Variants in ADAMTS12 observed in about 807,000 individuals in gnomAD.
ADAMTS12 encodes A disintegrin and metalloproteinase with thrombospondin motifs 12.
ADAMTS12 carries 118 observed loss-of-function variants against 167.8 expected under a neutral mutation model. That is an observed-to-expected ratio of 0.70 (90% CI 0.61 to 0.82). The LOEUF (loss-of-function observed/expected upper bound fraction) is 0.82, where lower values mean the gene tolerates loss of function less well. ADAMTS12 is among the 40% of genes least tolerant of loss of function. ADAMTS12 has a pLI of 0.00. For synonymous variants in ADAMTS12, 704 were observed against 716.9 expected (o/e 0.98, Z 0.29); for missense variants, 1,916 against 1,998.8 (o/e 0.96, Z 0.79).
intron 23 of ADAMTS12, among the ~76,000 whole-genome samples, chr5:33,530,132 G>T (rs1476875306): frequency 1.3e-5 from 2 of 151,512 alleles, no homozygotes; most frequent in African/African-American, 4.9e-5. Flanking sequence ...CACCATGTTG[G>T]TCAGGCTGGT....
rs1476867503 is a variant in ADAMTS12 at position 33,658,171 on chromosome 5, A to G, written c.1190+13T>C. ...AATATGGTGAGCAAACCTCCCTATC[A>G]TTGGCCCTTTACCTGTGTCCTAGCT... On this transcript the variant is annotated intron_variant, in intron 7 of 23. Coordinates refer to ENST00000504830, the MANE Select transcript of ADAMTS12 (RefSeq NM_030955.4). 1 of 1,612,988 alleles carries G rather than the reference A, an allele frequency of 6.2e-7. No homozygotes were observed. Among genetic ancestry groups the G allele is most frequent in the Admixed American group, 1.7e-5 (1 of 59,960 alleles).
chr5:33,855,525 G>GTGAT (rs545543274), intron 2 of ADAMTS12, among the ~76,000 whole-genome samples: 104 of 152,308 alleles, frequency 6.8e-4, no homozygotes, highest in African/African-American at 2.4e-3. Context: ...ATTTGTTCTG[G>GTGAT]TGATTAAAAT....
intron 10 of ADAMTS12, 39 bp from the exon 11 acceptor site, chr5:33,641,994 G>A: frequency 6.4e-7 from 1 of 1,573,162 alleles, no homozygotes; most frequent in Non-Finnish European, 8.7e-7. Flanking sequence ...GTATCAGGAA[G>A]GTTACCAGAG....
chr5:33,765,769 C>T (rs1264898247), intron 2 of ADAMTS12, among the ~76,000 whole-genome samples: 1 of 152,024 alleles, frequency 6.6e-6, no homozygotes, highest in Non-Finnish European at 1.5e-5. Context: ...TCTACAATTT[C>T]TAAATTTTTT....
chr5:33,722,840 A>G (rs1486722915), intron 3 of ADAMTS12, among the ~76,000 whole-genome samples: 3 of 152,222 alleles, frequency 2.0e-5, no homozygotes, highest in African/African-American at 7.2e-5. Context: ...GGCAGTGACC[A>G]CTGTAGTCTA....
chr5:33,718,889 G>A (rs1271158905), intron 3 of ADAMTS12, among the ~76,000 whole-genome samples: 2 of 152,094 alleles, frequency 1.3e-5, no homozygotes, highest in African/African-American at 2.4e-5. Flanking sequence ...CTTGAACACC[G>A]GAGATCAAGT....
At chr5:33,740,407 G>A (rs1579893801) in intron 3 of ADAMTS12, among the ~76,000 whole-genome samples, 2 of 152,248 alleles carry the variant, frequency 1.3e-5, no homozygotes, top group East Asian at 1.9e-4. Context: ...GTAGGGCTCC[G>A]GCCTGGGGCA....
At chr5:33,855,884 A>G (rs911974951) in intron 2 of ADAMTS12, among the ~76,000 whole-genome samples, 6 of 151,934 alleles carry the variant, frequency 3.9e-5, no homozygotes, top group Non-Finnish European at 8.8e-5. Flanking sequence ...GCGCCACCAC[A>G]CCCAGCTATT....
chr5:33,554,871 G>C (rs988035539), intron 20 of ADAMTS12, among the ~76,000 whole-genome samples: 1 of 152,294 alleles, frequency 6.6e-6, no homozygotes, highest in East Asian at 1.9e-4. Flanking sequence ...AGGAAAGGCT[G>C]TCACTTTCTG....
chr5:33,633,840 C>A (rs1579779548), intron 12 of ADAMTS12, among the ~76,000 whole-genome samples: 1 of 152,254 alleles, frequency 6.6e-6, no homozygotes, highest in Admixed American at 6.5e-5. Flanking sequence ...CCTTGTCTCA[C>A]ATTTACTCCC....
intron 2 of ADAMTS12, among the ~76,000 whole-genome samples, chr5:33,804,966 C>T (rs1418262010): frequency 6.6e-6 from 1 of 152,182 alleles, no homozygotes; most frequent in Non-Finnish European, 1.5e-5. Flanking sequence ...AGTACCCATT[C>T]ATTCCCACTT....
At chr5:33,828,590 T>C (rs906873682) in intron 2 of ADAMTS12, among the ~76,000 whole-genome samples, 15 of 152,216 alleles carry the variant, frequency 9.9e-5, no homozygotes, top group African/African-American at 3.4e-4. Flanking sequence ...ACATTTTCTT[T>C]TGTTGGCTTC....
chr5:33,549,174 G>T (rs1221246897), intron 21 of ADAMTS12, 33 bp downstream of exon 21: 1 of 1,600,932 alleles, frequency 6.2e-7, no homozygotes, highest in African/African-American at 1.3e-5. Flanking sequence ...GCCAGGTTGT[G>T]TGAGGACATC....
chr5:33,865,135 C>A (rs1377141205), intron 2 of ADAMTS12, among the ~76,000 whole-genome samples: 1 of 151,884 alleles, frequency 6.6e-6, no homozygotes, highest in Non-Finnish European at 1.5e-5. Context: ...ACCAGTATCA[C>A]CCTGATACCA....
chr5:33,817,370 C>T (rs574083483), intron 2 of ADAMTS12, among the ~76,000 whole-genome samples: 3 of 152,318 alleles, frequency 2.0e-5, no homozygotes, highest in Non-Finnish European at 4.4e-5. Flanking sequence ...TATGATTCCA[C>T]AGAATGGAAT....
intron 3 of ADAMTS12, among the ~76,000 whole-genome samples, chr5:33,722,643 G>A (rs1290450033): frequency 5.3e-5 from 8 of 152,160 alleles, no homozygotes; most frequent in South Asian, 2.1e-4. Context: ...ATGCAGAAAC[G>A]AAGACGATCT....
At chr5:33,639,677 G>A (rs1740368422) in intron 11 of ADAMTS12, among the ~76,000 whole-genome samples, 1 of 152,184 alleles carries the variant, frequency 6.6e-6, no homozygotes, top group African/African-American at 2.4e-5. Flanking sequence ...TCCAAAGCCT[G>A]AGCTCTTATC....
At chr5:33,576,005 C>G in intron 19 of ADAMTS12, 49 bp downstream of exon 19, 2 of 1,552,618 alleles carry the variant, frequency 1.3e-6, no homozygotes, top group South Asian at 1.3e-5. Flanking sequence ...ATTTAACACT[C>G]CTAGCTTTTT....
chr5:33,805,278 A>G (rs941124087), intron 2 of ADAMTS12, among the ~76,000 whole-genome samples: 1 of 152,180 alleles, frequency 6.6e-6, no homozygotes, highest in African/African-American at 2.4e-5. Flanking sequence ...TTATATAACA[A>G]ATTTTAAAAA....
Sources: allele counts gnomAD v4.1 joint callset (sites outside exome capture counted in the v4.1 genomes callset), GRCh38; gene constraint gnomAD v4.1.1; transcripts MANE v1.5; gene names NCBI Gene and HGNC (gene_info 2026-07-23, HGNC 2026-07-21).